RBFOX1: variants seen among roughly 807,000 people sequenced by gnomAD.
The protein encoded by RBFOX1 is RNA binding protein fox-1 homolog 1.
RBFOX1 carries 8 observed loss-of-function variants against 57.7 expected under a neutral mutation model. That is an observed-to-expected ratio of 0.14 (90% CI 0.08 to 0.25). The LOEUF (loss-of-function observed/expected upper bound fraction) is 0.25. Among genes scored for constraint, RBFOX1 ranks in the 10% least tolerant of loss-of-function variants. The pLI, the probability that RBFOX1 is intolerant of heterozygous loss-of-function variation, is 1.00. For synonymous variants in RBFOX1, 326 were observed against 222.4 expected, an observed-to-expected ratio of 1.47 and a Z score of -4.15; for missense variants, 611 against 548.5, an observed-to-expected ratio of 1.11 and a Z score of -1.14.
intron 3 of RBFOX1, among the ~76,000 whole-genome samples, chr16:6,927,262 A>T (rs906284658): frequency 5.3e-5 from 8 of 151,402 alleles, no homozygotes; most frequent in Non-Finnish European, 1.2e-4. Context: ...AAAATAGAGA[A>T]ATTTGCCAGG....
chr16:6,137,720 C>T (rs1390668335), intron 1 of RBFOX1, among the ~76,000 whole-genome samples: 1 of 147,050 alleles, frequency 6.8e-6, no homozygotes, highest in African/African-American at 2.5e-5. Flanking sequence ...CTCAAGTAAT[C>T]CTGCCACCTC....
At position 7,170,060 on chromosome 16, in the gene RBFOX1, G is replaced by T. The variant is rs28680667; in HGVS notation, c.27+117962G>T. On this transcript the variant is annotated intron_variant, in intron 4 of 15. Coordinates refer to ENST00000550418, the MANE Select transcript of RBFOX1 (RefSeq NM_018723.4). ...ATGCACTCTAGCCTAGGTGATAGAG[G>T]AAGACCCTGTCTCAAAATAAATAAA... 1.0e-2 allele frequency among the ~76,000 whole-genome samples: 1,516 copies of T among 152,194 alleles called. 19 individuals are homozygous for T. Among genetic ancestry groups the T allele is most frequent in the African/African-American group, 0.035 (1,447 of 41,506 alleles).
At chr16:6,066,293 C>CAAAAAAAAAAAAAAAAAAAAAAAAAAAA (rs372412356) in intron 1 of RBFOX1, among the ~76,000 whole-genome samples, 3 of 50,404 alleles carry the variant, frequency 6.0e-5, no homozygotes, top group African/African-American at 1.4e-4. Context: ...GACTCTGTCT[C>CAAAAAAAAAAAAAAAAAAAAAAAAAAAA]AAAAAAAAAA....
At chr16:6,770,274 A>T (rs2078066096) in intron 3 of RBFOX1, among the ~76,000 whole-genome samples, 1 of 152,204 alleles carries the variant, frequency 6.6e-6, no homozygotes, top group Non-Finnish European at 1.5e-5. Context: ...TCCTCATTTT[A>T]CTTAAACTTG....
At chr16:7,175,222 C>T (rs2081417424) in intron 4 of RBFOX1, among the ~76,000 whole-genome samples, 1 of 151,782 alleles carries the variant, frequency 6.6e-6, no homozygotes, top group South Asian at 2.1e-4. Flanking sequence ...CCAATAGGCC[C>T]CAGTGTGTGT....
chr16:7,634,143 G>T (rs936545779), intron 11 of RBFOX1, among the ~76,000 whole-genome samples: 9 of 152,102 alleles, frequency 5.9e-5, no homozygotes, highest in African/African-American at 2.2e-4. Context: ...TCCAACCATT[G>T]CCCTCAAAGC....
At chr16:6,210,687 C>T (rs754168038) in intron 1 of RBFOX1, among the ~76,000 whole-genome samples, 16 of 151,800 alleles carry the variant, frequency 1.1e-4, no homozygotes, top group African/African-American at 1.9e-4. Context: ...TGTGCCACTG[C>T]ACTCCAGTGC....
rs117252709 is a variant in RBFOX1 at position 7,101,358 on chromosome 16, A to T, written c.27+49260A>T. Among the ~76,000 whole-genome samples, 137 of 152,348 alleles carry T rather than the reference A, an allele frequency of 9.0e-4. 3 individuals carry two copies. In the East Asian group the frequency reaches 0.022, roughly 24 times the overall value. ...ATTGAAAATAAAAGGGAATTTAGGA[A>T]GAAATGTAATACTCATCAGTAATTG... On this transcript the variant is annotated intron_variant, in intron 4 of 15. Transcript: ENST00000550418.
intron 3 of RBFOX1, among the ~76,000 whole-genome samples, chr16:6,938,303 C>A (rs1389827847): frequency 6.6e-6 from 1 of 152,024 alleles, no homozygotes; most frequent in Non-Finnish European, 1.5e-5. Context: ...TTGGTATCGT[C>A]ACAAGGAAAG....
At chr16:5,961,478 T>TAA (rs113757945) in intron 4 of RBFOX1, among the ~76,000 whole-genome samples, 34 of 138,124 alleles carry the variant, frequency 2.5e-4, no homozygotes, top group African/African-American at 8.4e-4. Context: ...CTCTTTTGTT[T>TAA]AAAAAAAACA....
At chr16:6,366,171 C>G (rs1310168236) in intron 2 of RBFOX1, among the ~76,000 whole-genome samples, 2 of 149,362 alleles carry the variant, frequency 1.3e-5, no homozygotes, top group Non-Finnish European at 3.0e-5. Context: ...TATATTTATA[C>G]CTGGAACATA....
chr16:6,261,718 C>A (rs967286119), intron 1 of RBFOX1, among the ~76,000 whole-genome samples: 1 of 152,096 alleles, frequency 6.6e-6, no homozygotes, highest in Non-Finnish European at 1.5e-5. Flanking sequence ...TTCTTCAGTC[C>A]AGGCATGGTG....
chr16:7,140,234 C>G (rs1217153889), intron 4 of RBFOX1, among the ~76,000 whole-genome samples: 1 of 117,326 alleles, frequency 8.5e-6, no homozygotes, highest in Non-Finnish European at 1.7e-5. Flanking sequence ...TCTGAATGGA[C>G]AAATAAATTT....
Position 5,432,507 on chromosome 16 carries a change from C to T in RBFOX1, c.220-34709C>T, listed in dbSNP as rs189792635. On this transcript the variant is annotated intron_variant, in intron 1 of 2. Transcript: ENST00000585867. ...AAGGCTCTTATTTTCTATGATTTCCCAATTTATCGTCTTACCTTACAACTG... is the reference window on the plus strand; with the variant it reads ...AAGGCTCTTATTTTCTATGATTTCCTAATTTATCGTCTTACCTTACAACTG... 2.0e-3 allele frequency among the ~76,000 whole-genome samples: 300 copies of T among 147,480 alleles called. 3 individuals carry two copies. Among genetic ancestry groups the T allele is most frequent in the African/African-American group, 7.2e-3 (289 of 40,222 alleles).
At chr16:7,710,122 T>C (rs774362435) in intron 15 of RBFOX1, 137 of 1,013,088 alleles carry the variant, frequency 1.4e-4, no homozygotes, top group Non-Finnish European at 1.6e-4. Context: ...GCAATTCATC[T>C]GTACAACTCC....
chr16:5,479,762 C>T (rs1431347776), intron 2 of RBFOX1, among the ~76,000 whole-genome samples: 1 of 151,470 alleles, frequency 6.6e-6, no homozygotes, highest in Non-Finnish European at 1.5e-5. Context: ...CCGCCCCTCA[C>T]CCCCCGCAAA....
At chr16:7,348,679 C>T (rs1379983771) in intron 4 of RBFOX1, among the ~76,000 whole-genome samples, 3 of 152,212 alleles carry the variant, frequency 2.0e-5, no homozygotes, top group Non-Finnish European at 2.9e-5. Context: ...CCGTGGCTCA[C>T]GCCTAGAATC....
chr16:6,198,729 G>C lies in RBFOX1; in HGVS notation c.-126-118266G>C, dbSNP rs1011405309. On this transcript the variant is annotated intron_variant, in intron 1 of 15. Coordinates refer to ENST00000550418, the MANE Select transcript of RBFOX1 (RefSeq NM_018723.4). ...GGGTTGAATTATTTTTGGAACTAAAGTGTACCCTTGCTGAAATATAGAATA... is the reference window on the plus strand; with the variant it reads ...GGGTTGAATTATTTTTGGAACTAAACTGTACCCTTGCTGAAATATAGAATA... Among the ~76,000 whole-genome samples the C allele has an allele frequency of 3.9e-5, 6 of 152,116 alleles. No homozygotes were observed. In the East Asian group the frequency reaches 1.2e-3, roughly 29 times the overall value.
chr16:7,357,617 C>G (rs972303407), intron 4 of RBFOX1, among the ~76,000 whole-genome samples: 10 of 152,170 alleles, frequency 6.6e-5, no homozygotes, highest in African/African-American at 2.2e-4. Flanking sequence ...TTCCTGGACT[C>G]TGAACTGAGC....
Sources: gnomAD v4.1 joint callset for allele counts (sites outside exome capture counted in the v4.1 genomes callset) on GRCh38, gnomAD v4.1.1 for gene constraint, MANE v1.5 for transcripts, NCBI Gene and HGNC (gene_info 2026-07-23, HGNC 2026-07-21) for gene names.